The following SPATA16 variants were observed in gnomAD, a reference collection of about 807,000 sequenced individuals.
SPATA16 encodes the protein spermatogenesis-associated protein 16.
In SPATA16, 36 loss-of-function variants were observed where a neutral mutation model predicts 63.3. The ratio of observed to expected loss-of-function variants is 0.57; its 90% CI spans 0.44 to 0.75. SPATA16 has a LOEUF of 0.75. Among genes scored for constraint, SPATA16 ranks in the 30% least tolerant of loss-of-function variants. The probability of loss-of-function intolerance (pLI) is 0.00; values close to 1 mark genes in which losing one functional copy is unlikely to be tolerated. For synonymous variants in SPATA16, 203 were observed against 216.7 expected (o/e 0.94, Z 0.56); for missense variants, 646 against 679.3 (o/e 0.95, Z 0.54).
rs1323452437 is a variant in SPATA16, at chr3:173,064,884, A to G, written c.613-15790T>C. Among the ~76,000 whole-genome samples the G allele has an allele frequency of 2.6e-5, 4 of 152,282 alleles. 1 individual carries two copies. The South Asian group carries it at 8.3e-4, about 32-fold the overall frequency. On this transcript the variant is annotated intron_variant, in intron 2 of 10. Transcript: ENST00000351008. The stretch of plus-strand genomic sequence containing the variant: ...AAAATCGGGATTGATAATTTTGTCT[A>G]TTACAAGCAGAGGAATACATCTATT...
intron 4 of SPATA16, among the ~76,000 whole-genome samples, chr3:172,994,176 C>T (rs1355137739): frequency 1.3e-5 from 2 of 152,082 alleles, no homozygotes; most frequent in Non-Finnish European, 2.9e-5. Flanking sequence ...GATTTAGATA[C>T]CAAGAGTATG....
rs1491469730 is a variant in SPATA16, at chr3:172,961,052, T to TTTC, written c.934-4231_934-4229dup. On this transcript the variant is annotated intron_variant, in intron 5 of 10. Transcript: ENST00000351008. ...TCTCTCTTTCTTTCTTTCTTTCTTCTTTCTTTCTTTCTTCTTTCTTCCTTC... is the reference window on the plus strand; with the variant it reads ...TCTCTCTTTCTTTCTTTCTTTCTTCTTTCTTCTTTCTTTCTTCTTTCTTCCTTC... Among the ~76,000 whole-genome samples, 48 of 76,502 alleles carry TTTC rather than the reference T, an allele frequency of 6.3e-4. 2 individuals are homozygous for TTTC. The highest frequency in any genetic ancestry group is 5.9e-3 in the Middle Eastern group (1 of 170). 50.2% of individuals were successfully genotyped at this position (76,502 alleles called of 152,430 possible). A position where few individuals can be genotyped will look rare whatever the true frequency, so the allele number is the denominator to read the frequency against.
chr3:172,953,758 C>A (rs2108232398), intron 6 of SPATA16, among the ~76,000 whole-genome samples: 1 of 152,262 alleles, frequency 6.6e-6, no homozygotes, highest in African/African-American at 2.4e-5. Context: ...ACAGGGTATG[C>A]TTGAGCTCTA....
intron 2 of SPATA16, among the ~76,000 whole-genome samples, chr3:173,084,777 T>C (rs1737006912): frequency 6.6e-6 from 1 of 152,184 alleles, no homozygotes; most frequent in Non-Finnish European, 1.5e-5. Context: ...AAATAAGGAA[T>C]CCTTTCCCCA....
chr3:173,064,995 A>C (rs1265957059), intron 2 of SPATA16, among the ~76,000 whole-genome samples: 3 of 152,224 alleles, frequency 2.0e-5, no homozygotes, highest in Non-Finnish European at 4.4e-5. Flanking sequence ...GGGTCTCTAC[A>C]ACTATTGTTC....
At chr3:173,029,968 A>C (rs1577139938) in intron 3 of SPATA16, among the ~76,000 whole-genome samples, 2 of 152,044 alleles carry the variant, frequency 1.3e-5, no homozygotes, top group Admixed American at 6.6e-5. Flanking sequence ...GCCATTAATA[A>C]ATTTGAAAAG....
chr3:172,937,162 G>A (rs950671906), intron 6 of SPATA16, among the ~76,000 whole-genome samples: 1 of 151,462 alleles, frequency 6.6e-6, no homozygotes, highest in Admixed American at 6.6e-5. Flanking sequence ...AATATTGTGA[G>A]AAAAAAAAAT....
In SPATA16 at chr3:172,896,313, C is replaced by T. The variant is rs1171057145; in HGVS notation, c.1588-6621G>A. Reference sequence around the variant, plus strand: ...TCGGCTCACTGCAAGCTCCGCCTCCCGGGTTCACGCCATTCTTCTGCCTCA... The same window carrying T: ...TCGGCTCACTGCAAGCTCCGCCTCCTGGGTTCACGCCATTCTTCTGCCTCA... On this transcript the variant is annotated intron_variant, in intron 10 of 10. Transcript: ENST00000351008. 4.6e-5 allele frequency among the ~76,000 whole-genome samples: 7 copies of T among 152,144 alleles called. No homozygotes were observed. The South Asian group carries it at 8.3e-4, about 18-fold the overall frequency.
chr3:172,904,933 T>C (rs1342318082), intron 10 of SPATA16, among the ~76,000 whole-genome samples: 1 of 152,148 alleles, frequency 6.6e-6, no homozygotes, highest in Non-Finnish European at 1.5e-5. Context: ...GCTCTTCCAC[T>C]GCAGTTGCTG....
intron 2 of SPATA16, among the ~76,000 whole-genome samples, chr3:173,113,667 G>T (rs143149508): frequency 1.2e-4 from 18 of 152,226 alleles, no homozygotes; most frequent in Admixed American, 1.1e-3. Flanking sequence ...TTAGTACTTT[G>T]TCAAGAACAC....
At chr3:173,078,288 A>G (rs1193690518) in intron 2 of SPATA16, among the ~76,000 whole-genome samples, 2 of 152,160 alleles carry the variant, frequency 1.3e-5, no homozygotes, top group African/African-American at 4.8e-5. Context: ...GTATTTAAGT[A>G]CTGGCTACTA....
chr3:173,088,008 GT>G (rs1737105893), intron 2 of SPATA16, among the ~76,000 whole-genome samples: 2 of 90,866 alleles, frequency 2.2e-5, no homozygotes, highest in East Asian at 6.5e-4. Context: ...TTTTCTTTCC[GT>G]CTTTCTTTCT....
chr3:173,028,023 T>G, intron 3 of SPATA16, among the ~76,000 whole-genome samples: 1 of 36,682 alleles, frequency 2.7e-5, no homozygotes. Flanking sequence ...CCCTTCCTTC[T>G]TTCCTTCCTT....
intron 3 of SPATA16, among the ~76,000 whole-genome samples, chr3:173,028,406 A>G (rs1464480830): frequency 1.3e-5 from 2 of 151,932 alleles, no homozygotes; most frequent in Non-Finnish European, 2.9e-5. Context: ...CTGTGTTATT[A>G]TGAAATAAGG....
chr3:172,959,873 AAACTT>A (rs966819082), intron 5 of SPATA16, among the ~76,000 whole-genome samples: 4 of 149,122 alleles, frequency 2.7e-5, no homozygotes, highest in Non-Finnish European at 5.9e-5. Context: ...AATCTAGAAA[AAACTT>A]AGCCTTTGTA....
intron 3 of SPATA16, among the ~76,000 whole-genome samples, chr3:173,045,001 T>C (rs1271393566): frequency 3.3e-5 from 5 of 152,094 alleles, no homozygotes; most frequent in Non-Finnish European, 7.4e-5. Context: ...TACTCCAACA[T>C]TTCCAAGCAC....
intron 2 of SPATA16, among the ~76,000 whole-genome samples, chr3:173,112,639 A>T (rs1246875700): frequency 6.6e-6 from 1 of 152,220 alleles, no homozygotes; most frequent in Admixed American, 6.5e-5. Flanking sequence ...CCAGAATGTA[A>T]AATATAGTAG....
At chr3:173,057,210 C>A (rs1350641759) in intron 2 of SPATA16, among the ~76,000 whole-genome samples, 1 of 151,276 alleles carries the variant, frequency 6.6e-6, no homozygotes, top group Non-Finnish European at 1.5e-5. Flanking sequence ...CTCCCGGATT[C>A]ACGCCATTCT....
At chr3:173,029,249 G>A (rs1203353167) in intron 3 of SPATA16, among the ~76,000 whole-genome samples, 1 of 151,936 alleles carries the variant, frequency 6.6e-6, no homozygotes, top group African/African-American at 2.4e-5. Context: ...TTCTTATAAT[G>A]CATTATCCAG....
Sources: allele counts gnomAD v4.1 joint callset (sites outside exome capture counted in the v4.1 genomes callset), GRCh38; gene constraint gnomAD v4.1.1; transcripts MANE v1.5; gene names NCBI Gene and HGNC (gene_info 2026-07-23, HGNC 2026-07-21).